SLC25A21: variants seen among roughly 807,000 people sequenced by gnomAD.
SLC25A21 encodes the protein solute carrier family 25 member 21.
SLC25A21 carries 47 observed loss-of-function variants against 43.8 expected under a neutral mutation model. The ratio of observed to expected loss-of-function variants is 1.07; its 90% confidence interval spans 0.85 to 1.37. SLC25A21 has a LOEUF of 1.37. Ranked by LOEUF, SLC25A21 falls within the 40% of genes most tolerant of loss-of-function variation. The pLI is 0.00. For missense variants in SLC25A21, 352 were observed against 350.2 expected (o/e 1.00, Z -0.04); for synonymous variants, 131 against 121.3 (o/e 1.08, Z -0.52).
At chr14:36,712,540 T>C (rs1006299681) in intron 6 of SLC25A21, among the ~76,000 whole-genome samples, 1 of 152,232 alleles carries the variant, frequency 6.6e-6, no homozygotes, top group Admixed American at 6.5e-5. Context: ...TTTCTTCCCA[T>C]CTGCATTTAT....
intron 1 of SLC25A21, among the ~76,000 whole-genome samples, chr14:37,142,302 CCA>C (rs1963584135): frequency 6.6e-6 from 1 of 152,180 alleles, no homozygotes; most frequent in Non-Finnish European, 1.5e-5. Flanking sequence ...CTGTCCAACT[CCA>C]GAGTGGTAGC....
chr14:36,750,818 C>T (rs918705371), intron 3 of SLC25A21, among the ~76,000 whole-genome samples: 1 of 152,198 alleles, frequency 6.6e-6, no homozygotes, highest in African/African-American at 2.4e-5. Context: ...CTTTGCCAGG[C>T]AGTTCCCCAG....
At chr14:36,914,470 G>A (rs1891775537) in intron 1 of SLC25A21, among the ~76,000 whole-genome samples, 1 of 152,184 alleles carries the variant, frequency 6.6e-6, no homozygotes, top group African/African-American at 2.4e-5. Flanking sequence ...GCTGTTTCAG[G>A]AGACTTTTGT....
intron 7 of SLC25A21, among the ~76,000 whole-genome samples, chr14:36,686,709 A>G (rs1175213542): frequency 3.3e-5 from 5 of 152,164 alleles, no homozygotes; most frequent in Non-Finnish European, 5.9e-5. Context: ...TGACATTGCC[A>G]AGCTCTCTTT....
intron 1 of SLC25A21, among the ~76,000 whole-genome samples, chr14:37,080,859 C>A (rs1566866685): frequency 6.6e-6 from 1 of 152,120 alleles, no homozygotes; most frequent in Non-Finnish European, 1.5e-5. Flanking sequence ...CTAAATTCTT[C>A]CCAGATAACA....
In SLC25A21 at chr14:36,680,613, A is replaced by G. The variant is rs2139132397; in HGVS notation, c.*45T>C. On this transcript the variant is annotated 3_prime_UTR_variant, in exon 10 of 10. Coordinates refer to ENST00000331299, the MANE Select transcript of SLC25A21 (RefSeq NM_030631.4). ...GTCTCTCTTCTTCATGGTGCTGCATAGCAAATATCCATTATCTCAAGGGGG... is the reference window on the plus strand; with the variant it reads ...GTCTCTCTTCTTCATGGTGCTGCATGGCAAATATCCATTATCTCAAGGGGG... 1.2e-6 allele frequency: 2 copies of G among 1,606,892 alleles called. No homozygotes were observed. The highest frequency in any genetic ancestry group is 1.7e-6 in the Non-Finnish European group (2 of 1,176,752).
Position 36,679,267 on chromosome 14 carries a change from G to A in SLC25A21, c.*1391C>T, listed in dbSNP as rs1159519338. 1.1e-5 allele frequency: 11 copies of A among 982,842 alleles called. No homozygotes were observed. The highest frequency in any genetic ancestry group is 1.2e-5 in the Non-Finnish European group (10 of 827,650). 60.9% of individuals were successfully genotyped at this position (982,842 alleles called of 1,614,324 possible). ...AAATTTTAAAAAACACGTTGGAAAGGATGTACAACAGAAGGCTATGTATGT... is the reference window on the plus strand; with the variant it reads ...AAATTTTAAAAAACACGTTGGAAAGAATGTACAACAGAAGGCTATGTATGT... On this transcript the variant is annotated 3_prime_UTR_variant, in exon 10 of 10. Transcript: ENST00000331299.
chr14:36,889,452 T>C (rs1053554306), intron 1 of SLC25A21, among the ~76,000 whole-genome samples: 2 of 152,178 alleles, frequency 1.3e-5, no homozygotes, highest in African/African-American at 4.8e-5. Context: ...TTGAATACAT[T>C]AGTACTGATG....
intron 1 of SLC25A21, among the ~76,000 whole-genome samples, chr14:36,988,489 G>T (rs72667347): frequency 6.6e-6 from 1 of 152,032 alleles, no homozygotes. Context: ...GGAACATCTG[G>T]GAATATAGAA....
chr14:37,083,964 T>C (rs1175658931), intron 1 of SLC25A21, among the ~76,000 whole-genome samples: 1 of 152,234 alleles, frequency 6.6e-6, no homozygotes, highest in Non-Finnish European at 1.5e-5. Flanking sequence ...TCGAATTCTA[T>C]GGTTAGTTAA....
intron 3 of SLC25A21, among the ~76,000 whole-genome samples, chr14:36,779,200 A>T (rs1179930724): frequency 6.8e-6 from 1 of 146,904 alleles, no homozygotes; most frequent in African/African-American, 2.5e-5. Context: ...TAATATATAT[A>T]TAATATTACA....
chr14:37,067,237 G>A (rs1418332920), intron 1 of SLC25A21, among the ~76,000 whole-genome samples: 1 of 152,078 alleles, frequency 6.6e-6, no homozygotes, highest in Admixed American at 6.6e-5. Flanking sequence ...CAAATAAAAT[G>A]AAATGAACCT....
chr14:36,766,201 G>A (rs1330299707), intron 3 of SLC25A21, among the ~76,000 whole-genome samples: 1 of 152,130 alleles, frequency 6.6e-6, no homozygotes, highest in Non-Finnish European at 1.5e-5. Context: ...AGTGGGTTAT[G>A]AAAGTCATCT....
chr14:37,048,607 G>T (rs1202518720), intron 1 of SLC25A21, among the ~76,000 whole-genome samples: 1 of 152,060 alleles, frequency 6.6e-6, no homozygotes, highest in Non-Finnish European at 1.5e-5. Flanking sequence ...TATGACATCT[G>T]ACAGCTGGGA....
intron 1 of SLC25A21, among the ~76,000 whole-genome samples, chr14:37,056,448 G>A (rs999862829): frequency 3.4e-5 from 5 of 147,452 alleles, no homozygotes; most frequent in Admixed American, 6.8e-5. Flanking sequence ...CCGAGATCGC[G>A]CCACTGCACT....
At chr14:36,973,731 T>A (rs912635903) in intron 1 of SLC25A21, among the ~76,000 whole-genome samples, 6 of 152,184 alleles carry the variant, frequency 3.9e-5, no homozygotes, top group Non-Finnish European at 8.8e-5. Flanking sequence ...TCAATCCAGT[T>A]AGGTTGTAAA....
intron 1 of SLC25A21, among the ~76,000 whole-genome samples, chr14:36,951,943 AAG>A (rs1390800653): frequency 6.6e-6 from 1 of 152,188 alleles, no homozygotes; most frequent in Non-Finnish European, 1.5e-5. Flanking sequence ...GGGCCAATAA[AAG>A]AGAATCAGGC....
At position 37,137,077 on chromosome 14, in the gene SLC25A21, T is replaced by C. The variant is rs147873490; in HGVS notation, c.70+35204A>G. 0.023 allele frequency among the ~76,000 whole-genome samples: 3,563 copies of C among 152,318 alleles called. 201 individuals carry two copies. The East Asian group carries it at 0.26, about 11-fold the overall frequency. The stretch of plus-strand genomic sequence containing the variant: ...GTGCAGTGGCGCAATCTCGGCTCAC[T>C]GCAAGCTCCGCCTTCCGGGTTCACG... On this transcript the variant is annotated intron_variant, in intron 1 of 9. Transcript: ENST00000331299.
chr14:36,926,241 G>A (rs893175407), intron 1 of SLC25A21, among the ~76,000 whole-genome samples: 3 of 152,016 alleles, frequency 2.0e-5, no homozygotes, highest in East Asian at 1.9e-4. Context: ...TGGAAATCAC[G>A]GAACACAGTT....
Sources: allele counts gnomAD v4.1 joint callset (sites outside exome capture counted in the v4.1 genomes callset), GRCh38; gene constraint gnomAD v4.1.1; transcripts MANE v1.5; gene names NCBI Gene and HGNC (gene_info 2026-07-23, HGNC 2026-07-21).